Variants in MTMR3 observed in about 807,000 individuals in gnomAD.
MTMR3 encodes the protein phosphatidylinositol-3,5-bisphosphate 3-phosphatase MTMR3.
MTMR3 carries 32 observed loss-of-function variants against 132.4 expected under a neutral mutation model. The observed-to-expected ratio is 0.24, with a 90% confidence interval of 0.18 to 0.32. The LOEUF (loss-of-function observed/expected upper bound fraction) is 0.32. MTMR3 is among the 10% of genes least tolerant of loss of function. MTMR3 has a pLI of 1.00. For synonymous variants in MTMR3, 556 were observed against 550.3 expected, an observed-to-expected ratio of 1.01 and a Z score of -0.14; for missense variants, 1,216 against 1,489.6, an observed-to-expected ratio of 0.82 and a Z score of 3.02.
At chr22:29,969,344 T>C (rs559929959) in intron 2 of MTMR3, among the ~76,000 whole-genome samples, 1 of 152,254 alleles carries the variant, frequency 6.6e-6, no homozygotes, top group South Asian at 2.1e-4. Flanking sequence ...TCAAATCCTA[T>C]GGGCAGTATT....
At chr22:29,973,680 A>G (rs1602601219) in intron 3 of MTMR3, among the ~76,000 whole-genome samples, 1 of 152,010 alleles carries the variant, frequency 6.6e-6, no homozygotes, top group African/African-American at 2.4e-5. Context: ...GCTCACTGCA[A>G]CCTCCGCCTC....
chr22:29,896,652 C>G (rs2064902080), intron 1 of MTMR3, among the ~76,000 whole-genome samples: 1 of 151,824 alleles, frequency 6.6e-6, no homozygotes, highest in Non-Finnish European at 1.5e-5. Flanking sequence ...AACATAATTT[C>G]CATAGTCTAA....
intron 12 of MTMR3, chr22:30,009,358 G>T: frequency 2.0e-6 from 1 of 492,402 alleles, no homozygotes; most frequent in South Asian, 2.5e-5. Flanking sequence ...CCATTTGAAA[G>T]GTTTTAAAAT....
intron 2 of MTMR3, among the ~76,000 whole-genome samples, chr22:29,962,104 T>C (rs544440516): frequency 6.6e-6 from 1 of 152,352 alleles, no homozygotes; most frequent in South Asian, 2.1e-4. Flanking sequence ...GAAGCTTGAC[T>C]GTATGTGCAT....
rs191991527 is a variant in MTMR3, at chr22:29,895,156, T to C, written c.-138+11797T>C. 1.5e-3 allele frequency among the ~76,000 whole-genome samples: 226 copies of C among 152,160 alleles called. 6 individuals are homozygous for C. The East Asian group carries it at 0.033, about 23-fold the overall frequency. ...CTGGGAGGTGGAGGTTGCAGTGAGCTGAGATCGTGCCACTGCACTCCAGCC... is the reference window on the plus strand; with the variant it reads ...CTGGGAGGTGGAGGTTGCAGTGAGCCGAGATCGTGCCACTGCACTCCAGCC... On this transcript the variant is annotated intron_variant, in intron 1 of 19. Coordinates refer to ENST00000401950, the MANE Select transcript of MTMR3 (RefSeq NM_021090.4).
At chr22:29,906,032 T>C (rs2065086991) in intron 1 of MTMR3, among the ~76,000 whole-genome samples, 1 of 152,090 alleles carries the variant, frequency 6.6e-6, no homozygotes, top group South Asian at 2.1e-4. Context: ...TTTTTTGTTT[T>C]TCTTTTGAGG....
At chr22:29,960,872 T>C (rs1447241577) in intron 2 of MTMR3, among the ~76,000 whole-genome samples, 2 of 152,200 alleles carry the variant, frequency 1.3e-5, no homozygotes, top group Non-Finnish European at 2.9e-5. Flanking sequence ...TATTTTGAGT[T>C]TTCTGTTTAA....
rs1288289985 is a variant in MTMR3, at chr22:30,017,936, C to T, written c.1684C>T (p.Pro562Ser). 6.2e-7 allele frequency: 1 copy of T among 1,613,456 alleles called. No homozygotes were observed. The highest frequency in any genetic ancestry group is 8.5e-7 in the Non-Finnish European group (1 of 1,179,780). The change falls in exon 16 of 20, where the codon CCT becomes TCT. Residue 562 changes from proline (P) to serine (S), a missense_variant. Transcript: ENST00000401950. Reference protein sequence around the residue: ...YSSQSEAVLYPVCHVRNLMLW... With the variant: ...YSSQSEAVLYSVCHVRNLMLW... ...CCTCCCCCCTCCTCAGGTGCTGTAC[C>T]CTGTGTGCCATGTGCGTAACCTGAT...
At chr22:29,900,919 G>A (rs2064992276) in intron 1 of MTMR3, among the ~76,000 whole-genome samples, 2 of 151,996 alleles carry the variant, frequency 1.3e-5, no homozygotes, top group African/African-American at 4.8e-5. Flanking sequence ...TTTTGCCACT[G>A]GACTCAAGTG....
intron 9 of MTMR3, chr22:30,003,804 TATTA>T (rs2067222399): frequency 6.6e-6 from 1 of 152,242 alleles, no homozygotes; most frequent in East Asian, 1.9e-4. Context: ...CACAGAATCC[TATTA>T]AATTTTAAAG....
Position 29,971,074 on chromosome 22 carries a change from G to T in MTMR3, c.3+12G>T. ...GGCCTCTTGTCATGGTAAGTACAAG[G>T]AAATAAGAGTAAAAAAAAAAACAAA... is the stretch of plus-strand genomic sequence containing the variant. On this transcript the variant is annotated intron_variant, in intron 3 of 19. Transcript: ENST00000401950. 1 of 1,584,780 alleles carries T rather than the reference G, an allele frequency of 6.3e-7. No homozygotes were observed. The highest frequency in any genetic ancestry group is 8.6e-7 in the Non-Finnish European group (1 of 1,169,310).
chr22:29,942,750 C>T (rs995609103), intron 1 of MTMR3, among the ~76,000 whole-genome samples: 16 of 152,218 alleles, frequency 1.1e-4, no homozygotes, highest in Admixed American at 9.2e-4. Flanking sequence ...ATCCGGCTCA[C>T]CGGCAGTCAG....
At chr22:30,012,208 C>G (rs1254785277) in intron 12 of MTMR3, 160 bp from the exon 13 acceptor site, 1 of 710,894 alleles carries the variant, frequency 1.4e-6, no homozygotes, top group Non-Finnish European at 2.3e-6. Context: ...GGGCCTCATC[C>G]TGAGACATGC....
chr22:30,016,796 C>T, intron 15 of MTMR3, 98 bp downstream of exon 15: 1 of 1,335,164 alleles, frequency 7.5e-7, no homozygotes, highest in Non-Finnish European at 1.0e-6. Context: ...TTTGTGAAGA[C>T]ATCTCTACTG....
At chr22:29,996,401 TA>T (rs1392832159) in intron 7 of MTMR3, 1 of 152,218 alleles carries the variant, frequency 6.6e-6, no homozygotes, top group African/African-American at 2.4e-5. Flanking sequence ...TTCTATGAAG[TA>T]AATTGCTAGT....
intron 1 of MTMR3, among the ~76,000 whole-genome samples, chr22:29,936,683 G>A (rs16988110): frequency 0.018 from 2,733 of 152,270 alleles, 85 homozygotes; most frequent in African/African-American, 0.063. Context: ...GAAAATGCCA[G>A]TGTCTTTAAT....
intron 1 of MTMR3, among the ~76,000 whole-genome samples, chr22:29,885,903 A>G (rs1354929810): frequency 6.6e-6 from 1 of 152,158 alleles, no homozygotes; most frequent in Non-Finnish European, 1.5e-5. Flanking sequence ...ACAAGTTTGG[A>G]AGAGGTGGAA....
chr22:29,995,656 A>G (rs988143078), intron 7 of MTMR3: 9 of 152,252 alleles, frequency 5.9e-5, no homozygotes, highest in African/African-American at 2.2e-4. Context: ...TATAAAGCCA[A>G]ACAAAAACCT....
chr22:29,911,386 T>TA (rs1344728390), intron 1 of MTMR3, among the ~76,000 whole-genome samples: 3 of 151,658 alleles, frequency 2.0e-5, no homozygotes, highest in East Asian at 3.9e-4. Context: ...CTACAAAAAA[T>TA]AAAAAAATTA....
Sources: gnomAD v4.1 joint callset for allele counts (sites outside exome capture counted in the v4.1 genomes callset) on GRCh38, gnomAD v4.1.1 for gene constraint, MANE v1.5 for transcripts, NCBI Gene and HGNC (gene_info 2026-07-23, HGNC 2026-07-21) for gene names.